The following UGGT2 variants were observed in gnomAD, a reference collection of about 807,000 sequenced individuals.
UGGT2 encodes the protein UDP-glucose:glycoprotein glucosyltransferase 2.
A neutral mutation model predicts 192.1 loss-of-function variants in UGGT2; 180 were observed. That is an observed-to-expected ratio of 0.94 (90% CI 0.83 to 1.06). The LOEUF (loss-of-function observed/expected upper bound fraction) is 1.06. Among genes scored for constraint, UGGT2 ranks in the 50% least tolerant of loss-of-function variants. The pLI is 0.00. For synonymous variants in UGGT2, 580 were observed against 591.0 expected, an observed-to-expected ratio of 0.98 and a Z score of 0.27; for missense variants, 1,849 against 1,795.7, an observed-to-expected ratio of 1.03 and a Z score of -0.54.
intron 38 of UGGT2, among the ~76,000 whole-genome samples, chr13:95,807,947 T>G (rs1471500342): frequency 6.6e-6 from 1 of 152,072 alleles, no homozygotes; most frequent in Non-Finnish European, 1.5e-5. Flanking sequence ...TCCACGGCAC[T>G]GACAATCTTT....
intron 22 of UGGT2, 82 bp from the exon 23 acceptor site, chr13:95,895,386 T>C (rs976384780): frequency 1.1e-6 from 1 of 901,598 alleles, no homozygotes; most frequent in Non-Finnish European, 1.5e-6. Flanking sequence ...CAAATAGATA[T>C]TTCTTTATTA....
chr13:96,019,432 G>A (rs983855749), intron 4 of UGGT2, among the ~76,000 whole-genome samples: 1 of 152,144 alleles, frequency 6.6e-6, no homozygotes, highest in Admixed American at 6.5e-5. Flanking sequence ...CAAGCAGTAA[G>A]TAAGTTGCCC....
chr13:95,884,928 C>T (rs1429285511), intron 26 of UGGT2, among the ~76,000 whole-genome samples: 3 of 152,126 alleles, frequency 2.0e-5, no homozygotes, highest in African/African-American at 4.8e-5. Flanking sequence ...TGATTAGAAT[C>T]CCTTTAAGAT....
At chr13:95,884,988 T>C (rs1280132019) in intron 26 of UGGT2, among the ~76,000 whole-genome samples, 1 of 152,236 alleles carries the variant, frequency 6.6e-6, no homozygotes, top group East Asian at 1.9e-4. Flanking sequence ...TATTGTATTA[T>C]GATTTGTATG....
chr13:95,929,401 T>C (rs889942580), intron 17 of UGGT2, among the ~76,000 whole-genome samples: 1 of 152,186 alleles, frequency 6.6e-6, no homozygotes, highest in African/African-American at 2.4e-5. Context: ...ATTACCCAGG[T>C]AGTTAGCATA....
chr13:96,035,461 A>G (rs1014704319), intron 1 of UGGT2, among the ~76,000 whole-genome samples: 12 of 152,362 alleles, frequency 7.9e-5, no homozygotes, highest in East Asian at 7.7e-4. Flanking sequence ...TAAAAACCCT[A>G]TAAGAAAATC....
chr13:96,005,608 G>C (rs1189572579), intron 5 of UGGT2, among the ~76,000 whole-genome samples: 2 of 152,212 alleles, frequency 1.3e-5, no homozygotes, highest in African/African-American at 2.4e-5. Flanking sequence ...ACAGATGAAA[G>C]TCTTAGTCTG....
chr13:95,926,084 T>G (rs2049007000), intron 19 of UGGT2, among the ~76,000 whole-genome samples: 1 of 151,956 alleles, frequency 6.6e-6, no homozygotes, highest in African/African-American at 2.4e-5. Context: ...GGTAAGCAAA[T>G]CTGCCTTCTA....
chr13:95,894,626 G>A lies in UGGT2; in HGVS notation c.2791C>T (p.Leu931Phe), dbSNP rs137916941. The change falls in exon 24 of 39, where the codon CTT (leucine) becomes TTT (phenylalanine). Residue 931 changes from leucine (L) to phenylalanine (F), a missense_variant. By Grantham distance (22) the Leu-to-Phe change is conservative. Coordinates refer to ENST00000376747, the MANE Select transcript of UGGT2 (RefSeq NM_020121.4). The stretch of plus-strand genomic sequence containing the variant: ...GCACGCTTAGGCACAGAGGACATAA[G>A]GGCATCAACTTTCATAATAAAGTCA... The part of the protein sequence containing the change: ...MSDFIMKVDA[L>F]MSSVPKRASR... The A allele has an allele frequency of 1.3e-3, 2,127 of 1,611,386 alleles. No individual in the cohort carries two copies. Among genetic ancestry groups the A allele is most frequent in the Non-Finnish European group, 1.7e-3 (1,989 of 1,178,580 alleles).
At chr13:95,968,675 T>G (rs2050667990) in intron 12 of UGGT2, among the ~76,000 whole-genome samples, 1 of 152,184 alleles carries the variant, frequency 6.6e-6, no homozygotes, top group African/African-American at 2.4e-5. Flanking sequence ...GCCAAACAGA[T>G]GTTGGCACCA....
intron 12 of UGGT2, among the ~76,000 whole-genome samples, chr13:95,954,395 C>T (rs2050154492): frequency 6.6e-6 from 1 of 152,192 alleles, no homozygotes; most frequent in African/African-American, 2.4e-5. Flanking sequence ...ATTATTCCCT[C>T]CTTCCTTTTG....
chr13:96,045,287 C>G (rs113716620), intron 1 of UGGT2, among the ~76,000 whole-genome samples: 52 of 152,198 alleles, frequency 3.4e-4, no homozygotes, highest in African/African-American at 1.0e-3. Context: ...ATCAAGCACC[C>G]CTTTATGATT....
intron 38 of UGGT2, among the ~76,000 whole-genome samples, chr13:95,821,000 T>C (rs547843728): frequency 6.6e-6 from 1 of 152,268 alleles, no homozygotes; most frequent in East Asian, 1.9e-4. Context: ...ACTCATTGGT[T>C]AAGGCATTTA....
At position 95,877,382 on chromosome 13, in the gene UGGT2, A is replaced by C; in HGVS notation, c.3388-18T>G. The stretch of plus-strand genomic sequence containing the variant: ...AAATACCCCTTTTAAGATGAGAAAA[A>C]AATAATCATTGAGTAATATGACTAA... On this transcript the variant is annotated intron_variant, in intron 28 of 38. Coordinates refer to ENST00000376747, the MANE Select transcript of UGGT2 (RefSeq NM_020121.4). The C allele has an allele frequency of 6.3e-7, 1 of 1,582,130 alleles. No homozygotes were observed. The highest frequency in any genetic ancestry group is 1.4e-5 in the African/African-American group (1 of 73,638).
At chr13:95,940,136 TTA>T (rs2049617106) in intron 15 of UGGT2, 45 bp from the exon 16 acceptor site, 2 of 1,355,018 alleles carry the variant, frequency 1.5e-6, no homozygotes, top group Non-Finnish European at 9.9e-7. Context: ...CTTATAGCAA[TTA>T]GTTTTCTTTT....
At chr13:95,915,149 C>T (rs1044332801) in intron 20 of UGGT2, among the ~76,000 whole-genome samples, 1 of 152,164 alleles carries the variant, frequency 6.6e-6, no homozygotes, top group Non-Finnish European at 1.5e-5. Context: ...ATCAGCTAGA[C>T]ACTCTGGTGG....
chr13:95,934,467 G>A (rs1488378741), intron 17 of UGGT2, among the ~76,000 whole-genome samples: 1 of 152,204 alleles, frequency 6.6e-6, no homozygotes, highest in Non-Finnish European at 1.5e-5. Context: ...ACACACGATA[G>A]AAATGGCAAG....
chr13:95,837,883 T>C (rs1283174070), intron 36 of UGGT2, among the ~76,000 whole-genome samples: 2 of 150,414 alleles, frequency 1.3e-5, no homozygotes, highest in Non-Finnish European at 3.0e-5. Flanking sequence ...CTGGTTGTCC[T>C]ACATAAGCTC....
chr13:95,929,060 G>A (rs1264175503), intron 17 of UGGT2, among the ~76,000 whole-genome samples: 1 of 152,096 alleles, frequency 6.6e-6, no homozygotes, highest in Non-Finnish European at 1.5e-5. Flanking sequence ...CAGGCGTGGC[G>A]GCGCGCGCCT....
Sources: allele counts gnomAD v4.1 joint callset (sites outside exome capture counted in the v4.1 genomes callset), GRCh38; gene constraint gnomAD v4.1.1; transcripts MANE v1.5; gene names NCBI Gene and HGNC (gene_info 2026-07-23, HGNC 2026-07-21).